Variants in GAB1 observed in about 807,000 individuals in gnomAD.
GAB1 encodes GRB2-associated-binding protein 1.
GAB1 carries 19 observed loss-of-function variants against 66.5 expected under a neutral mutation model. That is an observed-to-expected ratio of 0.29 (90% CI 0.20 to 0.42). The LOEUF (loss-of-function observed/expected upper bound fraction) is 0.42. Ranked by LOEUF, GAB1 falls within the 10% of genes least tolerant of loss-of-function variation. The pLI is 1.00. For synonymous variants in GAB1, 294 were observed against 301.4 expected (o/e 0.98, Z 0.25); for missense variants, 732 against 858.5 (o/e 0.85, Z 1.84).
At chr4:143,377,073 ATAATATT>A (rs2149672760) in intron 1 of GAB1, among the ~76,000 whole-genome samples, 1 of 152,072 alleles carries the variant, frequency 6.6e-6, no homozygotes, top group East Asian at 1.9e-4. Context: ...GTTTTCCAGA[ATAATATT>A]TAGATTTAGT....
At chr4:143,350,428 C>T (rs980175261) in intron 1 of GAB1, among the ~76,000 whole-genome samples, 1 of 152,106 alleles carries the variant, frequency 6.6e-6, no homozygotes, top group Non-Finnish European at 1.5e-5. Flanking sequence ...CCTGTAATCC[C>T]AGCACTTTGG....
intron 1 of GAB1, among the ~76,000 whole-genome samples, chr4:143,373,822 C>CCTCT (rs3049718): frequency 0.013 from 1,309 of 97,796 alleles, 26 homozygotes; most frequent in African/African-American, 0.021. Context: ...GGAGTGAAAC[C>CCTCT]CTCTCTCTCT....
intron 1 of GAB1, chr4:143,349,492 CA>C (rs1729107148): frequency 6.6e-7 from 1 of 1,526,364 alleles, no homozygotes; most frequent in Non-Finnish European, 9.0e-7. Context: ...TGGGGTGTAG[CA>C]GTCATCGATA....
chr4:143,378,771 C>T (rs1730530075), intron 1 of GAB1, among the ~76,000 whole-genome samples: 4 of 152,050 alleles, frequency 2.6e-5, no homozygotes, highest in African/African-American at 4.8e-5. Context: ...AGCTCATACT[C>T]CAAGCCCTGG....
At chr4:143,468,996 T>C (rs760328470) in intron 9 of GAB1, 35 bp from the exon 10 acceptor site, 2 of 1,609,554 alleles carry the variant, frequency 1.2e-6, no homozygotes, top group Non-Finnish European at 1.7e-6. Flanking sequence ...CACTCCTTTA[T>C]ATGTTGGACT....
chr4:143,439,360 G>A (rs1734102973), intron 4 of GAB1, among the ~76,000 whole-genome samples: 1 of 152,176 alleles, frequency 6.6e-6, no homozygotes, highest in Non-Finnish European at 1.5e-5. Flanking sequence ...CTATCTCCAA[G>A]ATTTTAATGT....
intron 6 of GAB1, among the ~76,000 whole-genome samples, chr4:143,451,472 G>C (rs1242532469): frequency 6.6e-6 from 1 of 151,928 alleles, no homozygotes; most frequent in African/African-American, 2.4e-5. Context: ...TTTTATGCAG[G>C]CACATAAACT....
At chr4:143,384,361 T>A (rs796985687) in intron 1 of GAB1, among the ~76,000 whole-genome samples, 4 of 152,374 alleles carry the variant, frequency 2.6e-5, no homozygotes, top group African/African-American at 9.6e-5. Flanking sequence ...GAAATAATTT[T>A]GAAACATTTC....
chr4:143,380,159 G>GT lies in GAB1; in HGVS notation c.73-35311dup, dbSNP rs532200082. Among the ~76,000 whole-genome samples, 81 of 151,356 alleles carry GT rather than the reference G, an allele frequency of 5.4e-4. No individual in the cohort carries two copies. In the East Asian group the frequency reaches 0.011, roughly 21 times the overall value. ...AATGAGAATATTGACATGGGCCTCA[G>GT]TTTTTTTATTCATAAAATGAGAATA... On this transcript the variant is annotated intron_variant, in intron 1 of 9. Coordinates refer to ENST00000262994, the MANE Select transcript of GAB1 (RefSeq NM_002039.4).
intron 1 of GAB1, among the ~76,000 whole-genome samples, chr4:143,411,092 A>T (rs1056039506): frequency 6.6e-6 from 1 of 152,104 alleles, no homozygotes; most frequent in Non-Finnish European, 1.5e-5. Flanking sequence ...AAGTATTTCC[A>T]ATGTGGTTGG....
chr4:143,410,831 C>A (rs1020022182), intron 1 of GAB1, among the ~76,000 whole-genome samples: 1 of 152,124 alleles, frequency 6.6e-6, no homozygotes, highest in East Asian at 1.9e-4. Flanking sequence ...TTTTGTATTG[C>A]GTATTTAGCA....
In GAB1 at chr4:143,471,126, A is replaced by G. The variant is rs1326673928; in HGVS notation, c.*1937A>G. The stretch of plus-strand genomic sequence containing the variant: ...AGGATGAATATATTTAAGATTTAAA[A>G]CACAATAATAAATACATGATTAATT... On this transcript the variant is annotated 3_prime_UTR_variant, in exon 10 of 10. Transcript: ENST00000262994. 6.6e-6 allele frequency: 1 copy of G among 152,188 alleles called. No homozygotes were observed. The highest frequency in any genetic ancestry group is 6.5e-5 in the Admixed American group (1 of 15,278). 9.4% of individuals were successfully genotyped at this position (152,188 alleles called of 1,614,324 possible).
chr4:143,444,217 C>T (rs1032184446), intron 6 of GAB1, among the ~76,000 whole-genome samples: 1 of 152,120 alleles, frequency 6.6e-6, no homozygotes, highest in Non-Finnish European at 1.5e-5. Flanking sequence ...AATCGCTAAA[C>T]TTATCTAAGG....
intron 1 of GAB1, among the ~76,000 whole-genome samples, chr4:143,392,908 C>G (rs1390299940): frequency 6.6e-6 from 1 of 152,084 alleles, no homozygotes; most frequent in African/African-American, 2.4e-5. Context: ...GCTGTTAAAG[C>G]TTACTGAGAT....
At chr4:143,420,320 G>A (rs1336673858) in intron 2 of GAB1, among the ~76,000 whole-genome samples, 2 of 152,024 alleles carry the variant, frequency 1.3e-5, no homozygotes, top group African/African-American at 4.8e-5. Context: ...GAAAATAACT[G>A]TCCCCAGTCC....
chr4:143,450,440 G>T (rs1391620424), intron 6 of GAB1, among the ~76,000 whole-genome samples: 1 of 152,174 alleles, frequency 6.6e-6, no homozygotes, highest in Non-Finnish European at 1.5e-5. Context: ...TCCACTTTGT[G>T]TGGAATTTAT....
At chr4:143,390,507 C>T (rs901417173) in intron 1 of GAB1, among the ~76,000 whole-genome samples, 2 of 151,576 alleles carry the variant, frequency 1.3e-5, no homozygotes, top group Non-Finnish European at 2.9e-5. Flanking sequence ...TTACCAACCT[C>T]ACTACTCTTT....
intron 1 of GAB1, among the ~76,000 whole-genome samples, chr4:143,377,256 T>C (rs2149672907): frequency 6.6e-6 from 1 of 152,370 alleles, no homozygotes; most frequent in Middle Eastern, 3.4e-3. Flanking sequence ...ACTGAACTTA[T>C]CCTAATGTTC....
chr4:143,450,679 C>G (rs1734878319), intron 6 of GAB1, among the ~76,000 whole-genome samples: 1 of 152,092 alleles, frequency 6.6e-6, no homozygotes, highest in South Asian at 2.1e-4. Context: ...CACCTGAGGT[C>G]AGGAGTTTGA....
Sources: gnomAD v4.1 joint callset for allele counts (sites outside exome capture counted in the v4.1 genomes callset) on GRCh38, gnomAD v4.1.1 for gene constraint, MANE v1.5 for transcripts, NCBI Gene and HGNC (gene_info 2026-07-23, HGNC 2026-07-21) for gene names.